MAGI2: variants seen among roughly 807,000 people sequenced by gnomAD.
MAGI2 encodes membrane-associated guanylate kinase, WW and PDZ domain-containing protein 2.
A neutral mutation model predicts 133.3 loss-of-function variants in MAGI2; 35 were observed. That is an observed-to-expected ratio of 0.26 (90% CI 0.20 to 0.35). The LOEUF is 0.35. MAGI2 is among the 10% of genes least tolerant of loss of function. The probability of loss-of-function intolerance (pLI) is 1.00; values close to 1 mark genes in which losing one functional copy is unlikely to be tolerated. For missense variants in MAGI2, 1,636 were observed against 1,863.4 expected (o/e 0.88, Z 2.25); for synonymous variants, 729 against 710.6 (o/e 1.03, Z -0.41).
intron 2 of MAGI2, among the ~76,000 whole-genome samples, chr7:78,710,687 T>A (rs570421026): frequency 6.6e-6 from 1 of 152,146 alleles, no homozygotes; most frequent in Non-Finnish European, 1.5e-5. Flanking sequence ...TTGCTACTGA[T>A]GGAATGATTA....
At chr7:79,332,264 T>G (rs1360233230) in intron 1 of MAGI2, among the ~76,000 whole-genome samples, 2 of 152,332 alleles carry the variant, frequency 1.3e-5, no homozygotes, top group South Asian at 2.1e-4. Flanking sequence ...GTTAATGTGG[T>G]CTTCCTGAAA....
At chr7:78,097,249 G>T (rs1244304363) in intron 20 of MAGI2, among the ~76,000 whole-genome samples, 2 of 152,164 alleles carry the variant, frequency 1.3e-5, no homozygotes, top group Non-Finnish European at 2.9e-5. Context: ...GTGGAAAGCG[G>T]TATGGCGATT....
At chr7:78,245,971 T>C (rs9969307) in intron 10 of MAGI2, among the ~76,000 whole-genome samples, 27,379 of 152,096 alleles carry the variant, frequency 0.18, 2,791 homozygotes, top group East Asian at 0.32. Context: ...TTAGCCACCA[T>C]GGAGCCACCC....
At chr7:78,759,042 C>T (rs1824229513) in intron 2 of MAGI2, among the ~76,000 whole-genome samples, 1 of 152,078 alleles carries the variant, frequency 6.6e-6, no homozygotes, top group Non-Finnish European at 1.5e-5. Flanking sequence ...TGAATCTTTG[C>T]TTAAGGCACT....
chr7:78,033,709 G>C (rs1369885870), intron 21 of MAGI2, among the ~76,000 whole-genome samples: 1 of 152,162 alleles, frequency 6.6e-6, no homozygotes, highest in African/African-American at 2.4e-5. Context: ...TTTGAAGGGA[G>C]AATAAGAGTC....
chr7:78,942,990 T>C (rs1437664172), intron 2 of MAGI2, among the ~76,000 whole-genome samples: 1 of 152,024 alleles, frequency 6.6e-6, no homozygotes, highest in Admixed American at 6.6e-5. Flanking sequence ...CTCAATATTA[T>C]CATACTTAGC....
chr7:78,377,979 A>AT, intron 6 of MAGI2, among the ~76,000 whole-genome samples: 1 of 152,222 alleles, frequency 6.6e-6, no homozygotes. Flanking sequence ...ACCTAGAGAT[A>AT]TTTTGAAACA....
intron 6 of MAGI2, among the ~76,000 whole-genome samples, chr7:78,473,747 C>T (rs1232210840): frequency 2.0e-5 from 3 of 151,970 alleles, no homozygotes; most frequent in Non-Finnish European, 4.4e-5. Flanking sequence ...GCAGTGGTTT[C>T]CTTCTGGAGA....
chr7:78,104,332 C>T (rs1312964080), intron 20 of MAGI2, among the ~76,000 whole-genome samples: 2 of 152,070 alleles, frequency 1.3e-5, no homozygotes, highest in Admixed American at 6.6e-5. Flanking sequence ...GCGCCATTCT[C>T]CTGCCTCAGC....
chr7:79,242,842 C>T (rs1033059738), intron 1 of MAGI2, among the ~76,000 whole-genome samples: 2 of 152,046 alleles, frequency 1.3e-5, no homozygotes, highest in Non-Finnish European at 2.9e-5. Flanking sequence ...TTTTGCTAAG[C>T]ACAAGATATT....
intron 21 of MAGI2, among the ~76,000 whole-genome samples, chr7:78,025,727 A>C (rs1808844077): frequency 6.6e-6 from 1 of 152,130 alleles, no homozygotes; most frequent in Non-Finnish European, 1.5e-5. Flanking sequence ...GAAATGACTA[A>C]GTTTGGGGAG....
intron 2 of MAGI2, among the ~76,000 whole-genome samples, chr7:78,805,861 G>C (rs1056133389): frequency 3.3e-5 from 5 of 152,116 alleles, no homozygotes; most frequent in African/African-American, 1.2e-4. Context: ...CTTGGAAGCG[G>C]ATCTTGCAAC....
At chr7:78,317,453 G>A (rs1479885562) in intron 9 of MAGI2, among the ~76,000 whole-genome samples, 2 of 152,226 alleles carry the variant, frequency 1.3e-5, no homozygotes, top group South Asian at 2.1e-4. Context: ...GAAGGGAAAC[G>A]ATAAGAATGC....
chr7:78,478,020 C>T (rs554615758), intron 6 of MAGI2, among the ~76,000 whole-genome samples: 1 of 151,776 alleles, frequency 6.6e-6, no homozygotes, highest in East Asian at 2.0e-4. Flanking sequence ...GTTTGCTGCA[C>T]CCATTAACCC....
chr7:79,286,288 A>T (rs2129558373), intron 1 of MAGI2, among the ~76,000 whole-genome samples: 1 of 152,210 alleles, frequency 6.6e-6, no homozygotes, highest in East Asian at 1.9e-4. Context: ...TTATAAGCTC[A>T]TCTGATCCTC....
chr7:78,127,391 G>C lies in MAGI2; in HGVS notation c.3229C>G (p.Gln1077Glu). 1.9e-6 allele frequency: 3 copies of C among 1,605,386 alleles called. No individual in the cohort carries two copies. Among genetic ancestry groups the C allele is most frequent in the Non-Finnish European group, 2.5e-6 (3 of 1,179,836 alleles). Residue 1077 changes from glutamine to glutamate, a missense_variant, in exon 19 of 22, where the codon CAA (glutamine) becomes GAA (glutamate). By Grantham distance (29) the Gln-to-Glu change is conservative. Around this residue, in one of 5 missense-constraint regions of MAGI2, gnomAD observed 920 missense variants for 1,093.5 expected, o/e 0.84. Coordinates refer to ENST00000354212, the MANE Select transcript of MAGI2 (RefSeq NM_012301.4). ...NSYRSEVKAR[Q>E]DVKPDIRQPP... ...TGTCGGATGTCTGGTTTCACATCTT[G>C]CCTTGCTTTCACTTCCGACCTGTAA...
At chr7:78,846,947 TG>T (rs1263947014) in intron 2 of MAGI2, among the ~76,000 whole-genome samples, 2 of 151,920 alleles carry the variant, frequency 1.3e-5, no homozygotes, top group Admixed American at 6.6e-5. Flanking sequence ...GCTCCCCAGG[TG>T]GTCCTTATAT....
At chr7:78,509,109 A>G (rs1022979454) in intron 4 of MAGI2, among the ~76,000 whole-genome samples, 1 of 151,858 alleles carries the variant, frequency 6.6e-6, no homozygotes, top group African/African-American at 2.4e-5. Flanking sequence ...TGTCTCTTAG[A>G]TGTCGTTCAA....
intron 21 of MAGI2, among the ~76,000 whole-genome samples, chr7:78,031,131 T>C (rs1244922414): frequency 6.6e-6 from 1 of 152,212 alleles, no homozygotes; most frequent in Non-Finnish European, 1.5e-5. Context: ...TACTGTGTGA[T>C]TCCATCTGTA....
Sources: allele counts gnomAD v4.1 joint callset (sites outside exome capture counted in the v4.1 genomes callset), GRCh38; gene constraint gnomAD v4.1.1; regional missense constraint gnomAD v4.1.1; transcripts MANE v1.5; gene names NCBI Gene and HGNC (gene_info 2026-07-23, HGNC 2026-07-21).